The following PCDHGA3 variants were observed in gnomAD, a reference collection of about 807,000 sequenced individuals.
PCDHGA3 encodes protocadherin gamma subfamily A, 3.
Under a neutral mutation model 58.5 loss-of-function variants are expected in PCDHGA3, and 40 were observed. That is an observed-to-expected ratio of 0.68 (90% confidence interval 0.53 to 0.89). The LOEUF is 0.89. PCDHGA3 is among the 40% of genes least tolerant of loss of function. The pLI is 0.00. For synonymous variants in PCDHGA3, 530 were observed against 525.7 expected (o/e 1.01, Z -0.11); for missense variants, 1,223 against 1,195.9 (o/e 1.02, Z -0.33).
At chr5:141,374,137 G>A in intron 1 of PCDHGA3, 1 of 1,606,330 alleles carries the variant, frequency 6.2e-7, no homozygotes. Context: ...TGCTCCTCAC[G>A]CTCCTGGGGA....
At position 141,345,668 on chromosome 5, in the gene PCDHGA3, C is replaced by T. The variant is rs894732912; in HGVS notation, c.1635C>T (p.Asn545=). The change falls in exon 1 of 4, where the codon AAC becomes AAT. Residue 545 remains asparagine (N), a synonymous_variant. Transcript: ENST00000253812. ...SDSGNPPLSS[N]VSLNLFVLDQ... is the part of the protein sequence containing the mutation. ...GCGGGAACCCTCCACTCAGCAGCAA[C>T]GTGTCGCTGAACCTGTTCGTGCTGG... The T allele has an allele frequency of 3.7e-6, 6 of 1,614,210 alleles. No homozygotes were observed. In the South Asian group the frequency reaches 5.5e-5, roughly 15 times the overall value.
intron 1 of PCDHGA3, among the ~76,000 whole-genome samples, chr5:141,354,580 G>A (rs572797488): frequency 3.9e-4 from 60 of 152,314 alleles, no homozygotes; most frequent in Non-Finnish European, 8.2e-4. Flanking sequence ...TGCATAAATT[G>A]GGACTAAAGC....
At chr5:141,407,453 C>T (rs914537742) in intron 1 of PCDHGA3, among the ~76,000 whole-genome samples, 4 of 148,722 alleles carry the variant, frequency 2.7e-5, no homozygotes, top group Non-Finnish European at 6.0e-5. Flanking sequence ...ACACGAGGCT[C>T]ACCAGACAGA....
chr5:141,509,199 GTCTC>G (rs1017134758), intron 3 of PCDHGA3, among the ~76,000 whole-genome samples: 4 of 152,070 alleles, frequency 2.6e-5, no homozygotes, highest in Admixed American at 2.0e-4. Context: ...AATATTTCCT[GTCTC>G]TCTATTTCTC....
In PCDHGA3 at chr5:141,356,290, A is replaced by G. The variant is rs367807303; in HGVS notation, c.2424+9833A>G. 8 of 1,555,814 alleles carry G rather than the reference A, an allele frequency of 5.1e-6. No individual in the cohort carries two copies. The highest frequency in any genetic ancestry group is 6.1e-6 in the Non-Finnish European group (7 of 1,149,116). On this transcript the variant is annotated intron_variant, in intron 1 of 3. Coordinates refer to ENST00000253812, the MANE Select transcript of PCDHGA3 (RefSeq NM_018916.4). Reference sequence around the variant, plus strand: ...AGTCCAGGAATCTTCTTCCCCGGGTACAGTAATTGCACTTTTCAACGTGCA... The same window carrying G: ...AGTCCAGGAATCTTCTTCCCCGGGTGCAGTAATTGCACTTTTCAACGTGCA...
rs772195653 is a variant in PCDHGA3 at position 141,477,704 on chromosome 5, C to A, written c.2425-17103C>A. On this transcript the variant is annotated intron_variant, in intron 1 of 3. Transcript: ENST00000253812. The surrounding 1 kb of genome is among the most constrained non-coding windows in gnomAD (Gnocchi z 4.9). ...CTTAGTGCCCCTAGACTATGAGGAT[C>A]GGCGGGAATTTGAATTAACAGCTCA... The A allele has an allele frequency of 5.0e-6, 8 of 1,613,850 alleles. No individual in the cohort carries two copies. Among genetic ancestry groups the A allele is most frequent in the Non-Finnish European group, 5.9e-6 (7 of 1,180,046 alleles).
intron 1 of PCDHGA3, chr5:141,360,461 T>C: frequency 6.2e-7 from 1 of 1,613,974 alleles, no homozygotes; most frequent in African/African-American, 1.3e-5. Context: ...TTCGATACTG[T>C]CGCTGAAAAT....
rs10040701 is a variant in PCDHGA3 at position 141,508,490 on chromosome 5, A to G, written c.2573-2457A>G. ...TCTTTCTTTTACATTCTGGATTTCC[A>G]TATCTTCTCTCCCTCCTGGTCCAGC... On this transcript the variant is annotated intron_variant, in intron 3 of 3. Transcript: ENST00000253812. Among the ~76,000 whole-genome samples, 377 of 152,202 alleles carry G rather than the reference A, an allele frequency of 2.5e-3. 1 individual carries two copies. The highest frequency in any genetic ancestry group is 8.6e-3 in the African/African-American group (358 of 41,530).
chr5:141,364,428 A>G (rs1358594302), intron 1 of PCDHGA3: 1 of 1,613,750 alleles, frequency 6.2e-7, no homozygotes, highest in South Asian at 1.1e-5. Flanking sequence ...CAGATCCGCT[A>G]CTCGATGCCG....
At position 141,355,717 on chromosome 5, in the gene PCDHGA3, A is replaced by G. The variant is rs531471033; in HGVS notation, c.2424+9260A>G. On this transcript the variant is annotated intron_variant, in intron 1 of 3. Coordinates refer to ENST00000253812, the MANE Select transcript of PCDHGA3 (RefSeq NM_018916.4). The stretch of plus-strand genomic sequence containing the variant: ...AAACTCCCTGCAGGGTTACCAGCTC[A>G]ACTCAAACGGTTACTTTTCCCTGGA... 3.0e-5 allele frequency: 49 copies of G among 1,614,020 alleles called. No individual in the cohort carries two copies. The highest frequency in any genetic ancestry group is 1.3e-4 in the Admixed American group (8 of 60,030).
chr5:141,361,669 G>A (rs536902009), intron 1 of PCDHGA3: 14 of 1,613,690 alleles, frequency 8.7e-6, no homozygotes, highest in Non-Finnish European at 1.2e-5. Flanking sequence ...CGCGCAGAGC[G>A]GGGTGGTGTT....
At chr5:141,364,871 G>C (rs775321480) in intron 1 of PCDHGA3, 2 of 1,614,010 alleles carry the variant, frequency 1.2e-6, no homozygotes, top group Non-Finnish European at 1.7e-6. Context: ...CTTCTCTCTG[G>C]ATGTGGTAAG....
chr5:141,398,932 C>T (rs554339110), intron 1 of PCDHGA3: 1 of 1,613,900 alleles, frequency 6.2e-7, no homozygotes, highest in Non-Finnish European at 8.5e-7. Context: ...AGCCACTGAC[C>T]AAGACGAGGG....
chr5:141,404,361 C>A, intron 1 of PCDHGA3: 3 of 1,613,956 alleles, frequency 1.9e-6, no homozygotes, highest in Non-Finnish European at 2.5e-6. Context: ...AGAGGTACTT[C>A]CATCTTCTCC....
At chr5:141,427,635 C>T in intron 1 of PCDHGA3, 1 of 706,280 alleles carries the variant, frequency 1.4e-6, no homozygotes, top group African/African-American at 1.7e-5. Context: ...TCCGGTTTTC[C>T]ACCAAGTCTC....
rs1421541308 is a variant in PCDHGA3 at position 141,409,559 on chromosome 5, G to C, written c.2424+63102G>C. On this transcript the variant is annotated intron_variant, in intron 1 of 3. Coordinates refer to ENST00000253812, the MANE Select transcript of PCDHGA3 (RefSeq NM_018916.4). The stretch of plus-strand genomic sequence containing the variant: ...CATCAACGACAACGCCCCAGTTTTC[G>C]ACCAGACGTCCTACGTGGTCCACGT... The C allele has an allele frequency of 1.9e-6, 3 of 1,613,936 alleles. No individual in the cohort carries two copies. The highest frequency in any genetic ancestry group is 1.7e-6 in the Non-Finnish European group (2 of 1,179,910).
At chr5:141,370,227 G>C (rs375551989) in intron 1 of PCDHGA3, 1 of 585,120 alleles carries the variant, frequency 1.7e-6, no homozygotes. Context: ...GCTGCAGCCA[G>C]CTCGGAAGAA....
At chr5:141,415,740 G>GTTTTTTTTTTTTTTTGT (rs2095912649) in intron 1 of PCDHGA3, 1 of 515,998 alleles carries the variant, frequency 1.9e-6, no homozygotes, top group Non-Finnish European at 2.6e-6. Flanking sequence ...GTTTATTAAG[G>GTTTTTTTTTTTTTTTGT]TTTTTTTTTT....
Position 141,431,431 on chromosome 5 carries a change from C to T in PCDHGA3, c.2425-63376C>T, listed in dbSNP as rs776557037. ...ACGGGGGCGACCCGGTGCGCACAGG[C>T]ACCGCGCGCATCCGCGTGATGGTTC... is the stretch of plus-strand genomic sequence containing the variant. On this transcript the variant is annotated intron_variant, in intron 1 of 3. Transcript: ENST00000253812. This position sits in a 1 kb window ranked among gnomAD's most constrained non-coding sequence, Gnocchi z 4.8. 11 of 1,613,586 alleles carry T rather than the reference C, an allele frequency of 6.8e-6. No individual in the cohort carries two copies. The East Asian group carries it at 1.1e-4, about 16-fold the overall frequency.
Sources: allele counts gnomAD v4.1 joint callset (sites outside exome capture counted in the v4.1 genomes callset), GRCh38; gene constraint gnomAD v4.1.1; non-coding constraint Gnocchi (gnomAD v3.1); transcripts MANE v1.5; gene names NCBI Gene and HGNC (gene_info 2026-07-23, HGNC 2026-07-21).